NREP: variants seen among roughly 807,000 people sequenced by gnomAD.
The protein encoded by NREP is neuronal regeneration-related protein.
Under a neutral mutation model 8.6 loss-of-function variants are expected in NREP, and 5 were observed. That is an observed-to-expected ratio of 0.58 (90% CI 0.30 to 1.22). The LOEUF (loss-of-function observed/expected upper bound fraction) is 1.22, where lower values mean the gene tolerates loss of function less well. Ranked by LOEUF, NREP falls within the 50% of genes most tolerant of loss-of-function variation. NREP has a pLI of 0.07. For synonymous variants in NREP, 27 were observed against 28.0 expected (o/e 0.96, Z 0.11); for missense variants, 86 against 82.5 (o/e 1.04, Z -0.17).
intron 2 of NREP, among the ~76,000 whole-genome samples, chr5:111,806,174 T>C (rs1386618810): frequency 2.0e-5 from 3 of 152,168 alleles, no homozygotes; most frequent in African/African-American, 4.8e-5. Flanking sequence ...CATAGACTTA[T>C]AAATCAAGGA....
chr5:111,782,309 TAAATTCATCATA>T (rs1319424286), intron 2 of NREP, among the ~76,000 whole-genome samples: 1 of 152,234 alleles, frequency 6.6e-6, no homozygotes, highest in Non-Finnish European at 1.5e-5. Context: ...GTGTGACTAA[TAAATTCATCATA>T]AAATTGAACC....
intron 2 of NREP, among the ~76,000 whole-genome samples, chr5:111,832,493 T>C (rs1411110519): frequency 3.9e-5 from 6 of 152,134 alleles, no homozygotes; most frequent in South Asian, 4.1e-4. Flanking sequence ...ATAGCATCAC[T>C]GCACTCCTGC....
chr5:111,800,981 C>G (rs1311844101), intron 2 of NREP, among the ~76,000 whole-genome samples: 1 of 150,700 alleles, frequency 6.6e-6, no homozygotes. Context: ...TGGCTTTAGC[C>G]AAAGGAAAAA....
chr5:111,961,662 T>G lies in NREP; in HGVS notation c.135+13612A>C, dbSNP rs867894894. ...TACATTTATGGATTTCAAGTGACCCTATAGTTCCTGCATATAATGTCTTCC... is the reference window on the plus strand; with the variant it reads ...TACATTTATGGATTTCAAGTGACCCGATAGTTCCTGCATATAATGTCTTCC... On this transcript the variant is annotated intron_variant, in intron 2 of 3. Transcript: ENST00000395634. 2.6e-5 allele frequency among the ~76,000 whole-genome samples: 4 copies of G among 152,326 alleles called. No homozygotes were observed. In the Middle Eastern group the frequency reaches 0.014, roughly 518 times the overall value.
At chr5:111,959,961 G>A (rs533600847) in intron 2 of NREP, among the ~76,000 whole-genome samples, 14 of 151,960 alleles carry the variant, frequency 9.2e-5, no homozygotes, top group African/African-American at 3.4e-4. Context: ...AGTTGAGGTG[G>A]GAAAATACCA....
chr5:111,882,504 G>A lies in NREP; in HGVS notation c.135+92770C>T, dbSNP rs977257283. Among the ~76,000 whole-genome samples, 36 of 152,108 alleles carry A rather than the reference G, an allele frequency of 2.4e-4. 1 individual carries two copies. Among genetic ancestry groups the A allele is most frequent in the Non-Finnish European group, 1.5e-4 (10 of 68,038 alleles). On this transcript the variant is annotated intron_variant, in intron 2 of 3. Coordinates refer to the NREP transcript ENST00000395634. ...ACGCAACAAAGATACTCCTCAAGAA[G>A]AGCAACTCGAAGACACATAATTGTC... is the stretch of plus-strand genomic sequence containing the variant.
At chr5:111,745,512 A>ATTGT (rs1749946298) in intron 2 of NREP, among the ~76,000 whole-genome samples, 1 of 152,174 alleles carries the variant, frequency 6.6e-6, no homozygotes, top group African/African-American at 2.4e-5. Context: ...GAGAAACCAG[A>ATTGT]TTGTTTTATA....
intron 2 of NREP, among the ~76,000 whole-genome samples, chr5:111,881,189 C>T (rs2661418): frequency 0.34 from 51,630 of 151,308 alleles, 9,209 homozygotes; most frequent in East Asian, 0.61. Flanking sequence ...ACACCTGGCT[C>T]AGAGGGTCCT....
chr5:111,740,439 C>G (rs1487393644), intron 2 of NREP, among the ~76,000 whole-genome samples: 3 of 152,038 alleles, frequency 2.0e-5, no homozygotes, highest in Admixed American at 2.0e-4. Flanking sequence ...AAATAAAATA[C>G]TCAGGGTTTT....
chr5:111,828,370 A>G (rs1752678532), intron 2 of NREP, among the ~76,000 whole-genome samples: 1 of 151,970 alleles, frequency 6.6e-6, no homozygotes, highest in South Asian at 2.1e-4. Flanking sequence ...GGAACTTTGG[A>G]GTTTGGGGTG....
chr5:111,906,984 G>A (rs1041420125), intron 2 of NREP, among the ~76,000 whole-genome samples: 1 of 151,762 alleles, frequency 6.6e-6, no homozygotes, highest in South Asian at 2.1e-4. Flanking sequence ...GTCCAGACAG[G>A]GTCTCCAACT....
chr5:111,951,725 TTC>T (rs1756165125), intron 2 of NREP, among the ~76,000 whole-genome samples: 1 of 152,098 alleles, frequency 6.6e-6, no homozygotes, highest in Non-Finnish European at 1.5e-5. Flanking sequence ...AATATATTCA[TTC>T]TCCTTGTTCC....
In NREP at chr5:111,730,037, T is replaced by C. The variant is rs1231615157; in HGVS notation, c.*884A>G. On this transcript the variant is annotated 3_prime_UTR_variant, in exon 4 of 4. Coordinates refer to ENST00000257435, the MANE Select transcript of NREP (RefSeq NM_004772.4). Reference sequence around the variant, plus strand: ...CAAAATGCCTGTAAAATTATTGCTTTTCTTTCTCTAAGTCAGGCAGGCGAG... The same window carrying C: ...CAAAATGCCTGTAAAATTATTGCTTCTCTTTCTCTAAGTCAGGCAGGCGAG... 1 of 147,254 alleles carries C rather than the reference T, an allele frequency of 6.8e-6. No homozygotes were observed. Among genetic ancestry groups the C allele is most frequent in the Admixed American group, 6.7e-5 (1 of 15,024 alleles). The allele number at this position is 147,254 out of a possible 1,614,324, so 9.1% of individuals were successfully genotyped here.
chr5:111,890,748 T>C (rs1210986305), intron 2 of NREP, among the ~76,000 whole-genome samples: 3 of 152,184 alleles, frequency 2.0e-5, no homozygotes. Flanking sequence ...GGAGACGGAC[T>C]GGCTGGGATG....
At chr5:111,793,028 G>A (rs555898579) in intron 2 of NREP, among the ~76,000 whole-genome samples, 13 of 152,206 alleles carry the variant, frequency 8.5e-5, no homozygotes, top group Admixed American at 1.3e-4. Flanking sequence ...GGGACATGTC[G>A]TACTAATTAA....
At chr5:111,872,088 G>C (rs1014117585) in intron 2 of NREP, among the ~76,000 whole-genome samples, 211 of 151,420 alleles carry the variant, frequency 1.4e-3, no homozygotes, top group African/African-American at 5.0e-3. Flanking sequence ...ATATATTTGA[G>C]ACAGAGAGAG....
At chr5:111,895,923 T>G (rs938593553) in intron 2 of NREP, among the ~76,000 whole-genome samples, 1 of 152,190 alleles carries the variant, frequency 6.6e-6, no homozygotes, top group African/African-American at 2.4e-5. Flanking sequence ...TTGGAATGTA[T>G]GCTGTCTGAA....
At chr5:111,962,696 G>T (rs541050488) in intron 2 of NREP, among the ~76,000 whole-genome samples, 1 of 151,980 alleles carries the variant, frequency 6.6e-6, no homozygotes, top group Non-Finnish European at 1.5e-5. Flanking sequence ...AATTACCTAC[G>T]CCCTGCCCCA....
At chr5:111,782,925 G>T (rs116010636) in intron 2 of NREP, among the ~76,000 whole-genome samples, 189 of 152,066 alleles carry the variant, frequency 1.2e-3, no homozygotes, top group Admixed American at 1.8e-3. Context: ...ACGAGACAAG[G>T]TTTCGCTATG....
Sources: allele counts gnomAD v4.1 joint callset (sites outside exome capture counted in the v4.1 genomes callset), GRCh38; gene constraint gnomAD v4.1.1; transcripts MANE v1.5; gene names NCBI Gene and HGNC (gene_info 2026-07-23, HGNC 2026-07-21).